Variants in FMNL2 observed in about 807,000 individuals in gnomAD.
FMNL2 encodes formin-like protein 2.
FMNL2 carries 51 observed loss-of-function variants against 130.2 expected under a neutral mutation model. The ratio of observed to expected loss-of-function variants is 0.39; its 90% CI spans 0.31 to 0.49. The LOEUF is 0.49. FMNL2 is among the 20% of genes least tolerant of loss of function. FMNL2 has a pLI of 0.85. For synonymous variants in FMNL2, 465 were observed against 467.1 expected, an observed-to-expected ratio of 1.00 and a Z score of 0.06; for missense variants, 977 against 1,316.2, an observed-to-expected ratio of 0.74 and a Z score of 3.99.
intron 1 of FMNL2, among the ~76,000 whole-genome samples, chr2:152,503,701 A>G (rs1442011479): frequency 6.6e-6 from 1 of 152,198 alleles, no homozygotes; most frequent in Non-Finnish European, 1.5e-5. Flanking sequence ...TACCTGGGCC[A>G]TGGATTCTAA....
intron 1 of FMNL2, among the ~76,000 whole-genome samples, chr2:152,375,300 TCTC>T (rs1684091360): frequency 6.6e-6 from 1 of 152,174 alleles, no homozygotes; most frequent in Non-Finnish European, 1.5e-5. Context: ...CTGAGCACCT[TCTC>T]TACCAGCAGT....
rs5835439 is a variant in FMNL2 at position 152,619,552 on chromosome 2, G to GCCACCCCCCCCCC, written c.1673_1674insACCCCCCCCCCCC (p.Pro564SerfsTer21). The GCCACCCCCCCCCC allele has an allele frequency of 9.2e-6, 13 of 1,417,782 alleles. No individual in the cohort carries two copies. Among genetic ancestry groups the GCCACCCCCCCCCC allele is most frequent in the Admixed American group, 4.5e-5 (2 of 44,694 alleles). The allele number at this position is 1,417,782 out of a possible 1,614,324, so 87.8% of individuals were successfully genotyped here. ...CACCACCTATGCCACCGCCGCCGCCGCCCCCTCCTCCACCTCCTCCTCCCC... is the reference window on the plus strand; with the variant it reads ...CACCACCTATGCCACCGCCGCCGCCGCCACCCCCCCCCCCCCCCTCCTCCACCTCCTCCTCCCC... On this transcript the variant is annotated frameshift_variant, in exon 15 of 26. Transcript: ENST00000288670. LOFTEE classifies it high-confidence loss of function.
At chr2:152,439,079 TTGTGTGTGTGTGTGTGTG>T (rs10539703) in intron 1 of FMNL2, among the ~76,000 whole-genome samples, 9 of 144,478 alleles carry the variant, frequency 6.2e-5, no homozygotes, top group Non-Finnish European at 1.2e-4. Flanking sequence ...TTCAGTTTAA[TTGTGTGTGTGTGTGTGTG>T]TGTGTGTGTG....
chr2:152,587,483 A>G (rs748244577), intron 9 of FMNL2, among the ~76,000 whole-genome samples: 2 of 152,102 alleles, frequency 1.3e-5, no homozygotes, highest in South Asian at 2.1e-4. Flanking sequence ...TCTTTACTCA[A>G]TCCAATACTT....
At chr2:152,580,832 T>G in intron 8 of FMNL2, 124 bp from the exon 9 acceptor site, 1 of 807,484 alleles carries the variant, frequency 1.2e-6, no homozygotes, top group Non-Finnish European at 2.0e-6. Context: ...AAACTGTACC[T>G]TAGTAAAATT....
chr2:152,473,374 A>G (rs1236345109), intron 1 of FMNL2, among the ~76,000 whole-genome samples: 1 of 152,088 alleles, frequency 6.6e-6, no homozygotes, highest in Non-Finnish European at 1.5e-5. Flanking sequence ...TGGCTTTTAT[A>G]TGTTTGTTCT....
chr2:152,588,333 G>GC (rs1697197962), intron 9 of FMNL2, among the ~76,000 whole-genome samples: 1 of 152,162 alleles, frequency 6.6e-6, no homozygotes, highest in Non-Finnish European at 1.5e-5. Context: ...TTGACACATT[G>GC]CCTTTTCTCT....
intron 1 of FMNL2, among the ~76,000 whole-genome samples, chr2:152,443,267 G>A (rs549730604): frequency 1.1e-4 from 16 of 152,282 alleles, no homozygotes; most frequent in Middle Eastern, 3.4e-3. Context: ...ATGTGATGGT[G>A]TGTGTGGAGA....
At chr2:152,564,058 C>A (rs914854048) in intron 6 of FMNL2, among the ~76,000 whole-genome samples, 1 of 152,114 alleles carries the variant, frequency 6.6e-6, no homozygotes, top group Non-Finnish European at 1.5e-5. Context: ...TAGAATAAAG[C>A]CTGCTGCCTT....
intron 1 of FMNL2, among the ~76,000 whole-genome samples, chr2:152,413,123 G>T (rs1474190421): frequency 6.6e-6 from 1 of 152,140 alleles, no homozygotes; most frequent in Admixed American, 6.5e-5. Flanking sequence ...GCAAGTCAAG[G>T]TGACAGTTTT....
intron 1 of FMNL2, among the ~76,000 whole-genome samples, chr2:152,468,359 GT>G (rs1381874296): frequency 2.0e-5 from 3 of 152,126 alleles, no homozygotes; most frequent in African/African-American, 7.2e-5. Context: ...GGAGCAAACA[GT>G]TTAAGTTTAT....
intron 7 of FMNL2, among the ~76,000 whole-genome samples, chr2:152,578,325 C>T (rs1696588009): frequency 6.6e-6 from 1 of 152,150 alleles, no homozygotes; most frequent in Non-Finnish European, 1.5e-5. Context: ...TCACCAGTAG[C>T]ATAAAGTCTG....
At chr2:152,453,359 A>G (rs1688762055) in intron 1 of FMNL2, among the ~76,000 whole-genome samples, 1 of 152,144 alleles carries the variant, frequency 6.6e-6, no homozygotes, top group African/African-American at 2.4e-5. Flanking sequence ...TTGCGTATAT[A>G]TTTAAAAGAG....
intron 2 of FMNL2, among the ~76,000 whole-genome samples, chr2:152,526,284 G>A (rs1407181329): frequency 9.9e-5 from 15 of 152,136 alleles, no homozygotes; most frequent in Admixed American, 8.5e-4. Context: ...GATGTTGGTG[G>A]CTGCTATGTT....
At chr2:152,580,705 G>T (rs1420568324) in intron 8 of FMNL2, among the ~76,000 whole-genome samples, 1 of 152,134 alleles carries the variant, frequency 6.6e-6, no homozygotes, top group Non-Finnish European at 1.5e-5. Flanking sequence ...ATTCTTCTCA[G>T]AACTAGTTTT....
At chr2:152,635,679 G>A (rs577857018) in intron 21 of FMNL2, among the ~76,000 whole-genome samples, 1 of 152,200 alleles carries the variant, frequency 6.6e-6, no homozygotes, top group Non-Finnish European at 1.5e-5. Context: ...GGTACTCAAC[G>A]TCCTAAAGAA....
In FMNL2 at chr2:152,649,189, C is replaced by G. The variant is rs1231742032; in HGVS notation, c.*1284C>G. 2 of 152,556 alleles carry G rather than the reference C, an allele frequency of 1.3e-5. No individual in the cohort carries two copies. Among genetic ancestry groups the G allele is most frequent in the Non-Finnish European group, 2.9e-5 (2 of 68,008 alleles). The allele number at this position is 152,556 out of a possible 1,614,324, so 9.5% of individuals were successfully genotyped here. Reference sequence around the variant, plus strand: ...TATGTGAACCCCTTGGTGAAGGTCCCTTTTCCTTGGATGTGTAGTTATATG... The same window carrying G: ...TATGTGAACCCCTTGGTGAAGGTCCGTTTTCCTTGGATGTGTAGTTATATG... On this transcript the variant is annotated 3_prime_UTR_variant, in exon 26 of 26. Transcript: ENST00000288670.
intron 1 of FMNL2, among the ~76,000 whole-genome samples, chr2:152,409,635 G>C (rs1558838289): frequency 6.6e-6 from 1 of 152,208 alleles, no homozygotes; most frequent in Non-Finnish European, 1.5e-5. Flanking sequence ...TGCTAATGGT[G>C]ACTCTGGGTA....
At chr2:152,446,469 G>A (rs1010468414) in intron 1 of FMNL2, among the ~76,000 whole-genome samples, 5 of 152,058 alleles carry the variant, frequency 3.3e-5, no homozygotes, top group African/African-American at 1.2e-4. Context: ...ATACATGGAG[G>A]TGCAGTATAC....
Sources: gnomAD v4.1 joint callset for allele counts (sites outside exome capture counted in the v4.1 genomes callset) on GRCh38, gnomAD v4.1.1 for gene constraint, MANE v1.5 for transcripts, NCBI Gene and HGNC (gene_info 2026-07-23, HGNC 2026-07-21) for gene names.